ZNF536: variants seen among roughly 807,000 people sequenced by gnomAD.
ZNF536 encodes zinc finger protein 536.
In ZNF536, 13 loss-of-function variants were observed where a neutral mutation model predicts 84.5. That is an observed-to-expected ratio of 0.15 (90% CI 0.10 to 0.24). The LOEUF (loss-of-function observed/expected upper bound fraction) is 0.24. Among genes scored for constraint, ZNF536 ranks in the 10% least tolerant of loss-of-function variants. The probability of loss-of-function intolerance (pLI) is 1.00; values close to 1 mark genes in which losing one functional copy is unlikely to be tolerated. For missense variants in ZNF536, 1,536 were observed against 1,747.5 expected (o/e 0.88, Z 2.16); for synonymous variants, 811 against 742.5 (o/e 1.09, Z -1.50).
At chr19:30,545,716 A>G (rs1479181076) in intron 3 of ZNF536, among the ~76,000 whole-genome samples, 1 of 152,040 alleles carries the variant, frequency 6.6e-6, no homozygotes, top group Non-Finnish European at 1.5e-5. Context: ...CCTTTCAAAC[A>G]TGTATCCATT....
chr19:30,438,350 C>T (rs543160762), intron 1 of ZNF536, among the ~76,000 whole-genome samples: 23 of 152,202 alleles, frequency 1.5e-4, no homozygotes, highest in African/African-American at 5.5e-4. Context: ...AAGACTTAAA[C>T]ATAAGATGTG....
intron 3 of ZNF536, among the ~76,000 whole-genome samples, chr19:30,363,459 T>G (rs2048336753): frequency 6.6e-6 from 1 of 152,054 alleles, no homozygotes; most frequent in South Asian, 2.1e-4. Flanking sequence ...GCGCACTTTT[T>G]CAGTACACTC....
At chr19:30,398,017 A>AATTATAG (rs1217244955) in intron 1 of ZNF536, among the ~76,000 whole-genome samples, 1 of 152,234 alleles carries the variant, frequency 6.6e-6, no homozygotes, top group Admixed American at 6.5e-5. Flanking sequence ...ATTTTGAAAT[A>AATTATAG]ATTATAGATT....
chr19:30,622,786 G>T (rs1237148480), intron 1 of ZNF536, among the ~76,000 whole-genome samples: 1 of 152,092 alleles, frequency 6.6e-6, no homozygotes, highest in Non-Finnish European at 1.5e-5. Context: ...GGAAAAGCAG[G>T]CTGCTGGCCC....
intron 2 of ZNF536, among the ~76,000 whole-genome samples, chr19:30,500,613 G>A (rs1363547742): frequency 6.6e-6 from 1 of 151,560 alleles, no homozygotes; most frequent in Non-Finnish European, 1.5e-5. Context: ...GCAGCATGCT[G>A]TGGGATGAAT....
intron 1 of ZNF536, among the ~76,000 whole-genome samples, chr19:30,234,725 T>TTTTC (rs2023342329): frequency 1.3e-5 from 2 of 150,080 alleles, no homozygotes; most frequent in Admixed American, 1.3e-4. Flanking sequence ...TTAGGCTTTT[T>TTTTC]GTTGCTTTAT....
At chr19:30,407,313 G>A (rs889623666) in intron 1 of ZNF536, among the ~76,000 whole-genome samples, 6 of 152,074 alleles carry the variant, frequency 3.9e-5, no homozygotes, top group Non-Finnish European at 5.9e-5. Flanking sequence ...TTGCTGTTTC[G>A]AGAAAACTCT....
intron 2 of ZNF536, among the ~76,000 whole-genome samples, chr19:30,292,434 A>T (rs1250075466): frequency 1.3e-5 from 2 of 151,816 alleles, no homozygotes; most frequent in Non-Finnish European, 2.9e-5. Context: ...CCTGGGCCCA[A>T]GCCATCCTCT....
At chr19:30,499,556 T>C (rs1252395616) in intron 2 of ZNF536, among the ~76,000 whole-genome samples, 2 of 152,210 alleles carry the variant, frequency 1.3e-5, no homozygotes, top group Non-Finnish European at 2.9e-5. Flanking sequence ...GTGTGTGGAC[T>C]CCTAGGATGT....
intron 1 of ZNF536, among the ~76,000 whole-genome samples, chr19:30,674,430 C>T (rs1466017661): frequency 6.6e-6 from 1 of 152,210 alleles, no homozygotes; most frequent in Non-Finnish European, 1.5e-5. Context: ...GCTGGTCCTA[C>T]TCTCAGGTTA....
At chr19:30,621,685 G>C (rs2048487221) in intron 1 of ZNF536, among the ~76,000 whole-genome samples, 1 of 152,248 alleles carries the variant, frequency 6.6e-6, no homozygotes, top group Non-Finnish European at 1.5e-5. Flanking sequence ...ACATAAGCTG[G>C]GTGAGGAGCA....
intron 1 of ZNF536, among the ~76,000 whole-genome samples, chr19:30,392,385 A>G (rs2049632111): frequency 6.6e-6 from 1 of 152,164 alleles, no homozygotes. Context: ...ATTTAGCCTT[A>G]TGAAGTTCAT....
intron 1 of ZNF536, among the ~76,000 whole-genome samples, chr19:30,577,488 A>G (rs2046780935): frequency 6.6e-6 from 1 of 152,152 alleles, no homozygotes; most frequent in Admixed American, 6.5e-5. Context: ...CGACACCAAG[A>G]TATGCAGCTG....
chr19:30,576,319 T>C (rs2046734306), intron 1 of ZNF536, among the ~76,000 whole-genome samples: 1 of 152,110 alleles, frequency 6.6e-6, no homozygotes, highest in African/African-American at 2.4e-5. Flanking sequence ...GATAGGACAC[T>C]CTGTTCCAAG....
intron 1 of ZNF536, among the ~76,000 whole-genome samples, chr19:30,260,820 C>G (rs551263470): frequency 2.6e-5 from 4 of 152,282 alleles, no homozygotes; most frequent in South Asian, 4.1e-4. Flanking sequence ...CTTCATACCC[C>G]CAAGCCCAGT....
chr19:30,458,304 T>C (rs1235738890), intron 2 of ZNF536, among the ~76,000 whole-genome samples: 1 of 152,136 alleles, frequency 6.6e-6, no homozygotes, highest in Admixed American at 6.5e-5. Flanking sequence ...TTCCTTCATC[T>C]TTCAATGTTT....
At chr19:30,462,699 G>T (rs1389232732) in intron 2 of ZNF536, among the ~76,000 whole-genome samples, 3 of 151,988 alleles carry the variant, frequency 2.0e-5, no homozygotes, top group Admixed American at 1.3e-4. Context: ...GGATAAGGAT[G>T]TGTGTGTTGT....
chr19:30,627,121 C>T (rs1172062018), intron 1 of ZNF536, among the ~76,000 whole-genome samples: 1 of 152,044 alleles, frequency 6.6e-6, no homozygotes, highest in Admixed American at 6.5e-5. Context: ...CTATCTGCCT[C>T]CCTGTGGGTC....
At chr19:30,262,478 C>T (rs552192034) in intron 1 of ZNF536, among the ~76,000 whole-genome samples, 10 of 152,300 alleles carry the variant, frequency 6.6e-5, no homozygotes, top group Admixed American at 1.3e-4. Flanking sequence ...TTCAAGGCTG[C>T]GGGTTTTGGG....
Sources: allele counts gnomAD v4.1 joint callset (sites outside exome capture counted in the v4.1 genomes callset), GRCh38; gene constraint gnomAD v4.1.1; transcripts MANE v1.5; gene names NCBI Gene and HGNC (gene_info 2026-07-23, HGNC 2026-07-21).